Variants in ATP2C1 observed in about 807,000 individuals in gnomAD.
ATP2C1 encodes the protein ATPase secretory pathway Ca2+ transporting 1.
Under a neutral mutation model 120.5 loss-of-function variants are expected in ATP2C1, and 31 were observed. That is an observed-to-expected ratio of 0.26 (90% CI 0.19 to 0.35). ATP2C1 has a LOEUF of 0.35. ATP2C1 is among the 10% of genes least tolerant of loss of function. The probability of loss-of-function intolerance (pLI) is 1.00; values close to 1 mark genes in which losing one functional copy is unlikely to be tolerated. For missense variants in ATP2C1, 731 were observed against 1,107.5 expected, an observed-to-expected ratio of 0.66 and a Z score of 4.83; for synonymous variants, 351 against 358.7, an observed-to-expected ratio of 0.98 and a Z score of 0.24.
At chr3:130,914,576 A>T (rs144058480) in intron 2 of ATP2C1, 4 of 152,394 alleles carry the variant, frequency 2.6e-5, no homozygotes, top group African/African-American at 9.6e-5. Flanking sequence ...GGGGCAAGGA[A>T]ATGGGGTCTT....
At chr3:130,872,022 CAAAAAAAA>C (rs11347303) in intron 1 of ATP2C1, among the ~76,000 whole-genome samples, 1 of 117,574 alleles carries the variant, frequency 8.5e-6, no homozygotes, top group Non-Finnish European at 1.8e-5. Context: ...AACTCTGTCT[CAAAAAAAA>C]AAAAAAAAAA....
intron 20 of ATP2C1, among the ~76,000 whole-genome samples, chr3:130,986,613 T>A (rs1468566858): frequency 6.6e-6 from 1 of 152,224 alleles, no homozygotes; most frequent in Non-Finnish European, 1.5e-5. Flanking sequence ...ACCTAAGCCC[T>A]GTCAGAAGCT....
At chr3:131,012,267 T>C (rs1347587582) in intron 26 of ATP2C1, among the ~76,000 whole-genome samples, 5 of 149,080 alleles carry the variant, frequency 3.4e-5, no homozygotes, top group African/African-American at 1.2e-4. Flanking sequence ...TTTCTTTTTT[T>C]TTTTTTTTTT....
intron 20 of ATP2C1, among the ~76,000 whole-genome samples, chr3:130,982,980 T>G (rs1197072784): frequency 6.6e-6 from 1 of 152,152 alleles, no homozygotes; most frequent in African/African-American, 2.4e-5. Flanking sequence ...TTCTGAACAT[T>G]CATTTTACAT....
chr3:130,958,194 C>G (rs548688270), intron 11 of ATP2C1, among the ~76,000 whole-genome samples: 1 of 152,012 alleles, frequency 6.6e-6, no homozygotes, highest in Admixed American at 6.6e-5. Context: ...ATTTTTCTTG[C>G]CAAGGTCAAG....
downstream of ATP2C1, chr3:131,003,252 A>C (rs963186404): frequency 1.4e-6 from 1 of 732,982 alleles, no homozygotes; most frequent in African/African-American, 1.9e-5. Context: ...TGCATAGTAC[A>C]CAGAATCTAT....
chr3:130,955,860 C>T (rs934911159), intron 10 of ATP2C1: 17 of 406,610 alleles, frequency 4.2e-5, no homozygotes, highest in Non-Finnish European at 5.5e-5. Context: ...ATAGAGAGAA[C>T]GGACCTTTTC....
intron 1 of ATP2C1, among the ~76,000 whole-genome samples, chr3:130,880,817 TG>T (rs928912796): frequency 1.4e-4 from 22 of 152,336 alleles, no homozygotes; most frequent in African/African-American, 5.3e-4. Flanking sequence ...CATAAAGCCT[TG>T]GGGCTGTTTA....
chr3:130,855,120 C>A (rs901211918), intron 1 of ATP2C1, among the ~76,000 whole-genome samples: 1 of 152,160 alleles, frequency 6.6e-6, no homozygotes, highest in Non-Finnish European at 1.5e-5. Flanking sequence ...CATCTTCACC[C>A]TTCTAATCCT....
chr3:130,901,965 T>C (rs901722080), intron 2 of ATP2C1, among the ~76,000 whole-genome samples: 1 of 152,032 alleles, frequency 6.6e-6, no homozygotes, highest in Non-Finnish European at 1.5e-5. Flanking sequence ...CTGGTAAGCA[T>C]GCTACAATCC....
intron 8 of ATP2C1, among the ~76,000 whole-genome samples, chr3:130,945,173 C>T (rs919709480): frequency 1.3e-5 from 2 of 151,826 alleles, no homozygotes; most frequent in Non-Finnish European, 2.9e-5. Flanking sequence ...AGGAATTGAG[C>T]TTTGGGCATG....
At chr3:130,995,299 C>T (rs1433174855) in intron 22 of ATP2C1, among the ~76,000 whole-genome samples, 1 of 151,712 alleles carries the variant, frequency 6.6e-6, no homozygotes, top group Non-Finnish European at 1.5e-5. Context: ...CCTGTGGTCT[C>T]AGCTACTCTA....
intron 8 of ATP2C1, among the ~76,000 whole-genome samples, chr3:130,942,860 T>C (rs1163789491): frequency 6.6e-6 from 1 of 152,204 alleles, no homozygotes; most frequent in Non-Finnish European, 1.5e-5. Context: ...TAAGTAGTCT[T>C]GTCACTTGGC....
At chr3:130,958,470 G>C (rs996996425) in intron 11 of ATP2C1, among the ~76,000 whole-genome samples, 3 of 151,844 alleles carry the variant, frequency 2.0e-5, no homozygotes, top group African/African-American at 7.3e-5. Flanking sequence ...TAGTATTTGG[G>C]ATAGGATCTT....
chr3:130,893,487 G>A (rs973043756), upstream of ATP2C1, among the ~76,000 whole-genome samples: 1 of 152,226 alleles, frequency 6.6e-6, no homozygotes, highest in Non-Finnish European at 1.5e-5. Flanking sequence ...AGTCAGTGCA[G>A]GGTTTTGCAA....
At chr3:130,936,833 A>C (rs1054982993) in intron 5 of ATP2C1, among the ~76,000 whole-genome samples, 2 of 150,788 alleles carry the variant, frequency 1.3e-5, no homozygotes, top group African/African-American at 4.9e-5. Flanking sequence ...AAAAAAAAAA[A>C]AAACTCCTCC....
At chr3:130,882,392 G>A (rs2068813329) in intron 1 of ATP2C1, among the ~76,000 whole-genome samples, 1 of 151,948 alleles carries the variant, frequency 6.6e-6, no homozygotes. Flanking sequence ...GTAGAGATGA[G>A]GTTTCACCAT....
chr3:130,969,528 G>A, intron 17 of ATP2C1, 132 bp downstream of exon 17: 1 of 708,544 alleles, frequency 1.4e-6, no homozygotes, highest in South Asian at 1.5e-5. Flanking sequence ...GTAATTAATA[G>A]TACACTCATC....
Position 130,894,258 on chromosome 3 carries a change from C to T in ATP2C1, c.-260C>T, listed in dbSNP as rs1362711411. 1.0e-6 allele frequency: 1 copy of T among 985,730 alleles called. No homozygotes were observed. The highest frequency in any genetic ancestry group is 4.6e-5 in the South Asian group (1 of 21,508). 61.1% of individuals were successfully genotyped at this position (985,730 alleles called of 1,614,324 possible). A position where few individuals can be genotyped will look rare whatever the true frequency, so the allele number is the denominator to read the frequency against. ...CGCTGCCCCGCGAGCAGCTCCTCTT[C>T]TCCCGAGGCGCGCGGGGCGCCCCCG... On this transcript the variant is annotated 5_prime_UTR_variant, in exon 1 of 28. Transcript: ENST00000510168. This position sits in a 1 kb window ranked among gnomAD's most constrained non-coding sequence, Gnocchi z 4.5.
Sources: allele counts gnomAD v4.1 joint callset (sites outside exome capture counted in the v4.1 genomes callset), GRCh38; gene constraint gnomAD v4.1.1; non-coding constraint Gnocchi (gnomAD v3.1); transcripts MANE v1.5; gene names NCBI Gene and HGNC (gene_info 2026-07-23, HGNC 2026-07-21).